The following AKR1E2 variants were observed in gnomAD, a reference collection of about 807,000 sequenced individuals.
The protein encoded by AKR1E2 is aldo-keto reductase family 1 member E2.
Under a neutral mutation model 41.9 loss-of-function variants are expected in AKR1E2, and 43 were observed. The observed-to-expected ratio is 1.03, with a 90% CI of 0.80 to 1.32. The LOEUF (loss-of-function observed/expected upper bound fraction) is 1.32. Among genes scored for constraint, AKR1E2 ranks in the 40% most tolerant of loss-of-function variants. AKR1E2 has a pLI of 0.00. For synonymous variants in AKR1E2, 121 were observed against 138.9 expected (o/e 0.87, Z 0.91); for missense variants, 423 against 396.5 (o/e 1.07, Z -0.57).
At chr10:4,850,790 G>A (rs994979266), downstream of AKR1E2, among the ~76,000 whole-genome samples, 6 of 152,162 alleles carry the variant, frequency 3.9e-5, no homozygotes, top group African/African-American at 1.4e-4. Context: ...GTGCCGCAGG[G>A]TGACTATGTG....
rs553954370 is a variant in AKR1E2 at position 4,839,846 on chromosome 10, G to T, written c.680+20G>T. On this transcript the variant is annotated intron_variant, in intron 6 of 9. Coordinates refer to ENST00000298375, the MANE Select transcript of AKR1E2 (RefSeq NM_001040177.3). ...CTCGTGGTAAGGATACCTCAGTGGT[G>T]TGTTAGTCAGAGTCCGACTGGGAAG... 6.2e-7 allele frequency: 1 copy of T among 1,602,672 alleles called. No individual in the cohort carries two copies. Among genetic ancestry groups the T allele is most frequent in the African/African-American group, 1.3e-5 (1 of 74,628 alleles).
At chr10:4,872,800 G>A in the AKR1E2 span, among the ~76,000 whole-genome samples, 1 of 152,158 alleles carries the variant, frequency 6.6e-6, no homozygotes. Context: ...TGTAAGTTAG[G>A]GATATGTGTC....
the AKR1E2 span, among the ~76,000 whole-genome samples, chr10:4,859,330 C>T: frequency 3.9e-5 from 6 of 152,186 alleles, no homozygotes; most frequent in Middle Eastern, 3.4e-3. Context: ...GAAAATGAAA[C>T]GTTGAGTGTG....
At position 4,835,728 on chromosome 10, in the gene AKR1E2, A is replaced by C; in HGVS notation, c.378A>C (p.Ser126=). 6.2e-7 allele frequency: 1 copy of C among 1,614,036 alleles called. No homozygotes were observed. Residue 126 remains serine (S), a synonymous_variant, in exon 4 of 10, where the codon TCA becomes TCC. Transcript: ENST00000298375. Reference sequence around the variant, plus strand: ...GCAGTGAACTTTCCTTCTGCCTCTCACATCCTCGAGTGCAGGACTTGCCTC... The same window carrying C: ...GCAGTGAACTTTCCTTCTGCCTCTCCCATCCTCGAGTGCAGGACTTGCCTC... ...MSCSELSFCL[S]HPRVQDLPLD...
At chr10:4,859,206 G>A in the AKR1E2 span, among the ~76,000 whole-genome samples, 5 of 152,164 alleles carry the variant, frequency 3.3e-5, no homozygotes, top group Non-Finnish European at 5.9e-5. Context: ...CACATAAATT[G>A]AATCCCAATG....
At chr10:4,862,116 AAGGAAGGGATCC>A in the AKR1E2 span, among the ~76,000 whole-genome samples, 1 of 152,190 alleles carries the variant, frequency 6.6e-6, no homozygotes, top group Non-Finnish European at 1.5e-5. Context: ...TATAAGGTGT[AAGGAAGGGATCC>A]AGTTTCAGCT....
the AKR1E2 span, among the ~76,000 whole-genome samples, chr10:4,871,244 A>G: frequency 6.6e-6 from 1 of 151,948 alleles, no homozygotes; most frequent in Admixed American, 6.6e-5. Flanking sequence ...TTGTTGAAAC[A>G]TTTTTACAAT....
chr10:4,853,562 G>C, the AKR1E2 span, among the ~76,000 whole-genome samples: 2 of 152,160 alleles, frequency 1.3e-5, no homozygotes, highest in Non-Finnish European at 2.9e-5. Flanking sequence ...GCCCATTGTG[G>C]TCTGGTTACA....
At chr10:4,841,682 C>T (rs1833889282) in intron 6 of AKR1E2, 103 bp from the exon 7 acceptor site, 3 of 898,012 alleles carry the variant, frequency 3.3e-6, no homozygotes, top group Non-Finnish European at 4.8e-6. Flanking sequence ...GTGTCATGAT[C>T]AGAAAATAAA....
At chr10:4,854,373 T>C in the AKR1E2 span, among the ~76,000 whole-genome samples, 364 of 152,286 alleles carry the variant, frequency 2.4e-3, 1 homozygote, top group African/African-American at 8.5e-3. Context: ...ATTATAGGCA[T>C]GAGCCACCGC....
the AKR1E2 span, among the ~76,000 whole-genome samples, chr10:4,867,388 T>A: frequency 6.6e-6 from 1 of 152,204 alleles, no homozygotes; most frequent in South Asian, 2.1e-4. Context: ...TACAAAACAT[T>A]TCCGTCACCA....
the AKR1E2 span, among the ~76,000 whole-genome samples, chr10:4,860,508 C>A: frequency 1.3e-5 from 2 of 151,990 alleles, no homozygotes; most frequent in Non-Finnish European, 2.9e-5. Context: ...ACAAGGGGAA[C>A]CTCATAGTGG....
chr10:4,847,077 T>C, intron 8 of AKR1E2, 71 bp from the exon 9 acceptor site: 1 of 1,546,570 alleles, frequency 6.5e-7, no homozygotes, highest in Non-Finnish European at 8.9e-7. Flanking sequence ...CACTGTGCTA[T>C]GTAGGTAACA....
At chr10:4,858,153 G>A in the AKR1E2 span, among the ~76,000 whole-genome samples, 1,119 of 152,050 alleles carry the variant, frequency 7.4e-3, 20 homozygotes, top group African/African-American at 0.026. Context: ...TCAGGAAAAC[G>A]AGTCAAAATG....
chr10:4,827,611 A>T (rs1832649570), intron 1 of AKR1E2, among the ~76,000 whole-genome samples: 1 of 152,254 alleles, frequency 6.6e-6, no homozygotes, highest in South Asian at 2.1e-4. Flanking sequence ...CTTTAAAAAA[A>T]AAAAGCTAAA....
the AKR1E2 span, among the ~76,000 whole-genome samples, chr10:4,865,354 T>A: frequency 2.2e-3 from 338 of 152,306 alleles, 2 homozygotes; most frequent in African/African-American, 7.5e-3. Flanking sequence ...TTCCTCAGAA[T>A]AATCCTTTGC....
chr10:4,826,802 C>T (rs1340983538), intron 1 of AKR1E2, among the ~76,000 whole-genome samples: 1 of 152,074 alleles, frequency 6.6e-6, no homozygotes, highest in Non-Finnish European at 1.5e-5. Context: ...TGGGGCCGGG[C>T]GTGGGGTGCG....
chr10:4,841,017 G>T (rs1243469442), intron 6 of AKR1E2, among the ~76,000 whole-genome samples: 1 of 152,132 alleles, frequency 6.6e-6, no homozygotes, highest in African/African-American at 2.4e-5. Context: ...TTGTGAAGTG[G>T]GGCATGTGTG....
chr10:4,842,923 C>T (rs1231931533), intron 8 of AKR1E2, among the ~76,000 whole-genome samples: 3 of 149,038 alleles, frequency 2.0e-5, no homozygotes, highest in Non-Finnish European at 3.0e-5. Flanking sequence ...GGCATGCCCA[C>T]GTGGCCTGAG....
Sources: allele counts gnomAD v4.1 joint callset (sites outside exome capture counted in the v4.1 genomes callset), GRCh38; gene constraint gnomAD v4.1.1; transcripts MANE v1.5; gene names NCBI Gene and HGNC (gene_info 2026-07-23, HGNC 2026-07-21).